The following RTN1 variants were observed in gnomAD, a reference collection of about 807,000 sequenced individuals.
RTN1 encodes reticulon-1.
Under a neutral mutation model 65.5 loss-of-function variants are expected in RTN1, and 25 were observed. The observed-to-expected ratio is 0.38, with a 90% CI of 0.28 to 0.53. The LOEUF is 0.53. RTN1 is among the 20% of genes least tolerant of loss of function. The pLI, the probability that RTN1 is intolerant of heterozygous loss-of-function variation, is 0.79. For synonymous variants in RTN1, 471 were observed against 447.6 expected, an observed-to-expected ratio of 1.05 and a Z score of -0.66; for missense variants, 983 against 1,025.4, an observed-to-expected ratio of 0.96 and a Z score of 0.57.
chr14:59,645,630 T>G (rs1158022405), intron 3 of RTN1, among the ~76,000 whole-genome samples: 1 of 152,134 alleles, frequency 6.6e-6, no homozygotes, highest in Non-Finnish European at 1.5e-5. Context: ...CTCACCCTTC[T>G]TGTCTCCAGG....
chr14:59,762,793 A>C (rs1030974504), intron 1 of RTN1, among the ~76,000 whole-genome samples: 1 of 152,070 alleles, frequency 6.6e-6, no homozygotes, highest in Non-Finnish European at 1.5e-5. Context: ...GAGTTCAAAA[A>C]CTCATGGGCT....
intron 3 of RTN1, among the ~76,000 whole-genome samples, chr14:59,725,522 A>G (rs1884738913): frequency 6.6e-6 from 1 of 152,208 alleles, no homozygotes; most frequent in Non-Finnish European, 1.5e-5. Flanking sequence ...AAAAAACCCA[A>G]AATGGTTTTA....
At chr14:59,652,888 A>G (rs1429487818) in intron 3 of RTN1, among the ~76,000 whole-genome samples, 1 of 152,144 alleles carries the variant, frequency 6.6e-6, no homozygotes, top group South Asian at 2.1e-4. Context: ...GAAAGAGAAA[A>G]AAGCCTAAAG....
Position 59,785,797 on chromosome 14 carries a change from C to T in RTN1, c.242-39316G>A, listed in dbSNP as rs117364428. On this transcript the variant is annotated intron_variant, in intron 1 of 8. Coordinates refer to ENST00000267484, the MANE Select transcript of RTN1 (RefSeq NM_021136.3). ...GAGCTTGCCTCACTCCACACCCCTG[C>T]CCTTTCCACCCTTCCATTCACCCAT... Among the ~76,000 whole-genome samples the T allele has an allele frequency of 2.6e-3, 401 of 152,304 alleles. 5 individuals carry two copies. The highest frequency in any genetic ancestry group is 0.022 in the East Asian group (113 of 5,182).
chr14:59,826,071 A>C (rs1189785835), intron 1 of RTN1, among the ~76,000 whole-genome samples: 1 of 152,230 alleles, frequency 6.6e-6, no homozygotes, highest in Admixed American at 6.5e-5. Context: ...GAAAGCAAGA[A>C]ACCACAATAT....
At position 59,836,511 on chromosome 14, in the gene RTN1, T is replaced by C. The variant is rs1230806602; in HGVS notation, c.241+33879A>G. 6.6e-6 allele frequency among the ~76,000 whole-genome samples: 1 copy of C among 152,214 alleles called. No individual in the cohort carries two copies. Among genetic ancestry groups the C allele is most frequent in the Non-Finnish European group, 1.5e-5 (1 of 68,038 alleles). On this transcript the variant is annotated intron_variant, in intron 1 of 8. Transcript: ENST00000267484. The surrounding 1 kb of genome is among the most constrained non-coding windows in gnomAD (Gnocchi z 4.9). Reference sequence around the variant, plus strand: ...AGGTTTTGGCTTTCTTGCTTTCATCTATGGATGGGCTAAAATTTGTTGCTA... The same window carrying C: ...AGGTTTTGGCTTTCTTGCTTTCATCCATGGATGGGCTAAAATTTGTTGCTA...
At chr14:59,625,696 T>C (rs1354824226) in intron 3 of RTN1, among the ~76,000 whole-genome samples, 2 of 152,204 alleles carry the variant, frequency 1.3e-5, no homozygotes, top group African/African-American at 4.8e-5. Context: ...TAGTGGCTTT[T>C]ATTTGAACTT....
chr14:59,771,715 T>C (rs1344548520), intron 1 of RTN1, among the ~76,000 whole-genome samples: 1 of 152,156 alleles, frequency 6.6e-6, no homozygotes, highest in African/African-American at 2.4e-5. Context: ...ATGGAGTAAC[T>C]CCTCCCATAT....
chr14:59,623,162 A>G (rs138512786), intron 3 of RTN1, among the ~76,000 whole-genome samples: 2 of 152,342 alleles, frequency 1.3e-5, no homozygotes, highest in East Asian at 3.9e-4. Flanking sequence ...GAATTATACT[A>G]TTCCCGAATG....
intron 3 of RTN1, among the ~76,000 whole-genome samples, chr14:59,715,872 T>G (rs1309915709): frequency 3.4e-5 from 5 of 147,918 alleles, no homozygotes; most frequent in African/African-American, 1.2e-4. Context: ...AGGAAGAAAA[T>G]AAAAGGAACA....
intron 3 of RTN1, among the ~76,000 whole-genome samples, chr14:59,632,611 G>GT (rs1882578382): frequency 6.6e-6 from 1 of 152,078 alleles, no homozygotes; most frequent in Non-Finnish European, 1.5e-5. Flanking sequence ...GTGCCAGCAG[G>GT]TACCTTTACT....
In RTN1 at chr14:59,843,046, G is replaced by C. The variant is rs1399396318; in HGVS notation, c.241+27344C>G. On this transcript the variant is annotated intron_variant, in intron 1 of 8. Coordinates refer to ENST00000267484, the MANE Select transcript of RTN1 (RefSeq NM_021136.3). ...AATATGTTCAAGAATGTTCATAGCA[G>C]TTGTATTCACAATAGCTTTAAAAAA... Among the ~76,000 whole-genome samples, 4 of 152,168 alleles carry C rather than the reference G, an allele frequency of 2.6e-5. No individual in the cohort carries two copies. In the East Asian group the frequency reaches 7.7e-4, roughly 29 times the overall value.
chr14:59,652,049 T>C (rs551895856), intron 3 of RTN1, among the ~76,000 whole-genome samples: 8 of 151,996 alleles, frequency 5.3e-5, no homozygotes, highest in South Asian at 2.1e-4. Flanking sequence ...AAAGAAGACA[T>C]AGATACAGTC....
At chr14:59,710,805 C>T (rs912552772) in intron 3 of RTN1, among the ~76,000 whole-genome samples, 1 of 152,198 alleles carries the variant, frequency 6.6e-6, no homozygotes, top group African/African-American at 2.4e-5. Flanking sequence ...CTGACTGTAA[C>T]CTGGGTATAC....
Position 59,836,756 on chromosome 14 carries a change from A to G in RTN1, c.241+33634T>C, listed in dbSNP as rs1190671754. On this transcript the variant is annotated intron_variant, in intron 1 of 8. Coordinates refer to ENST00000267484, the MANE Select transcript of RTN1 (RefSeq NM_021136.3). The surrounding 1 kb of genome is among the most constrained non-coding windows in gnomAD (Gnocchi z 4.9). ...GGCAAAGATGGGTCAAGGAGGAAGA[A>G]AGCCAATGCTGAGCGGGGTGACACA... is the stretch of plus-strand genomic sequence containing the variant. Among the ~76,000 whole-genome samples, 1 of 152,142 alleles carries G rather than the reference A, an allele frequency of 6.6e-6. No homozygotes were observed. The highest frequency in any genetic ancestry group is 1.5e-5 in the Non-Finnish European group (1 of 68,030).
intron 1 of RTN1, among the ~76,000 whole-genome samples, chr14:59,827,627 T>G (rs190570745): frequency 5.3e-5 from 8 of 152,266 alleles, no homozygotes; most frequent in Admixed American, 5.2e-4. Flanking sequence ...TGATAATAAA[T>G]CAGGAAGCCC....
chr14:59,815,673 T>C (rs1487198584), intron 1 of RTN1, among the ~76,000 whole-genome samples: 1 of 152,138 alleles, frequency 6.6e-6, no homozygotes, highest in African/African-American at 2.4e-5. Flanking sequence ...AACACAAAGG[T>C]GCCTGGCTCA....
intron 2 of RTN1, among the ~76,000 whole-genome samples, chr14:59,741,892 A>C (rs758198745): frequency 1.3e-5 from 2 of 152,210 alleles, no homozygotes; most frequent in South Asian, 4.1e-4. Flanking sequence ...TCAGAGGGGC[A>C]GTCCTTGGAC....
intron 1 of RTN1, among the ~76,000 whole-genome samples, chr14:59,850,114 G>A (rs1887478404): frequency 6.6e-6 from 1 of 152,090 alleles, no homozygotes; most frequent in African/African-American, 2.4e-5. Flanking sequence ...CTTCCTCTTT[G>A]CAAAGTAAAG....
Sources: gnomAD v4.1 joint callset for allele counts (sites outside exome capture counted in the v4.1 genomes callset) on GRCh38, gnomAD v4.1.1 for gene constraint, Gnocchi (gnomAD v3.1) non-coding constraint, MANE v1.5 for transcripts, NCBI Gene and HGNC (gene_info 2026-07-23, HGNC 2026-07-21) for gene names.